The following OR10Z1 variants were observed in gnomAD, a reference collection of about 807,000 sequenced individuals.
OR10Z1 encodes olfactory receptor family 10 subfamily Z member 1.
For missense variants in OR10Z1, 468 were observed against 371.0 expected, an observed-to-expected ratio of 1.26 and a Z score of -2.15; for synonymous variants, 187 against 151.2, an observed-to-expected ratio of 1.24 and a Z score of -1.74.
In OR10Z1 at chr1:158,606,497, C is replaced by T; in HGVS notation, c.59C>T (p.Ser20Phe). The T allele has an allele frequency of 6.2e-7, 1 of 1,613,994 alleles. No homozygotes were observed. Among genetic ancestry groups the T allele is most frequent in the Non-Finnish European group, 8.5e-7 (1 of 1,179,908 alleles). ...RDFVFLGFSSSGELQLLLFAL... is the reference protein window; with the variant it reads ...RDFVFLGFSSFGELQLLLFAL... Reference sequence around the variant, plus strand: ...TTTGTCTTCCTGGGCTTCTCCAGTTCTGGGGAGTTGCAGCTCCTTCTCTTT... The same window carrying T: ...TTTGTCTTCCTGGGCTTCTCCAGTTTTGGGGAGTTGCAGCTCCTTCTCTTT... The change falls in exon 2 of 2, where the codon TCT becomes TTT. Residue 20 changes from serine (S) to phenylalanine (F), a missense_variant. Physicochemically the swap from Ser to Phe is radical, Grantham distance 155. Transcript: ENST00000641002.
Position 158,611,422 on chromosome 1 carries a change from T to C in OR10Z1, c.*4042T>C, listed in dbSNP as rs1571363677. The stretch of plus-strand genomic sequence containing the variant: ...GTATAAAAAGAGAAAAATACAGTTA[T>C]AGGGATTCAAAATAGCTGGTTCCTT... On this transcript the variant is annotated 3_prime_UTR_variant, in exon 2 of 2. Coordinates refer to ENST00000641002, the MANE Select transcript of OR10Z1 (RefSeq NM_001004478.2). 2.5e-6 allele frequency: 4 copies of C among 1,612,128 alleles called. No homozygotes were observed. The highest frequency in any genetic ancestry group is 2.7e-5 in the African/African-American group (2 of 74,830).
chr1:158,611,102 C>T lies in OR10Z1; in HGVS notation c.*3722C>T. On this transcript the variant is annotated 3_prime_UTR_variant, in exon 2 of 2. Coordinates refer to ENST00000641002, the MANE Select transcript of OR10Z1 (RefSeq NM_001004478.2). ...ACCCTTGAGATTTTTTAAGATCCTA[C>T]AATAAATGTAATATGCACACAAACA... The T allele has an allele frequency of 4.2e-6, 4 of 944,800 alleles. No homozygotes were observed. The Admixed American group carries it at 6.6e-5, about 16-fold the overall frequency. The allele number at this position is 944,800 out of a possible 1,614,324, so 58.5% of individuals were successfully genotyped here. A position where few individuals can be genotyped will look rare whatever the true frequency, so the allele number is the denominator to read the frequency against.
rs1649133861 is a variant in OR10Z1 at position 158,608,998 on chromosome 1, A to G, written c.*1618A>G. On this transcript the variant is annotated 3_prime_UTR_variant, in exon 2 of 2. Coordinates refer to ENST00000641002, the MANE Select transcript of OR10Z1 (RefSeq NM_001004478.2). ...TGATAGATTTCAGTAGAGAGAAACC[A>G]GAGGCAAGGAGATCAGCAAGAAACC... The G allele has an allele frequency of 6.6e-6, 1 of 152,266 alleles. No homozygotes were observed. Among genetic ancestry groups the G allele is most frequent in the Admixed American group, 6.5e-5 (1 of 15,272 alleles). 9.4% of individuals were successfully genotyped at this position (152,266 alleles called of 1,614,324 possible).
rs1355357895 is a variant in OR10Z1, at chr1:158,608,338, G to A, written c.*958G>A. 6.6e-6 allele frequency: 1 copy of A among 152,144 alleles called. No homozygotes were observed. Among genetic ancestry groups the A allele is most frequent in the Non-Finnish European group, 1.5e-5 (1 of 68,032 alleles). 9.4% of individuals were successfully genotyped at this position (152,144 alleles called of 1,614,324 possible). ...AGCGGCGGACATTATTAGAGAAAGT[G>A]TAATGAACTCACAAGACCGTCAGGC... On this transcript the variant is annotated 3_prime_UTR_variant, in exon 2 of 2. Coordinates refer to ENST00000641002, the MANE Select transcript of OR10Z1 (RefSeq NM_001004478.2).
rs1273592408 is a variant in OR10Z1 at position 158,609,821 on chromosome 1, G to A, written c.*2441G>A. 6.6e-6 allele frequency: 1 copy of A among 152,020 alleles called. No individual in the cohort carries two copies. The highest frequency in any genetic ancestry group is 6.6e-5 in the Admixed American group (1 of 15,254). The allele number at this position is 152,020 out of a possible 1,614,324, so 9.4% of individuals were successfully genotyped here. On this transcript the variant is annotated 3_prime_UTR_variant, in exon 2 of 2. Coordinates refer to ENST00000641002, the MANE Select transcript of OR10Z1 (RefSeq NM_001004478.2). Reference sequence around the variant, plus strand: ...CTAAATGACTAATAATTTGATTTAGGCCTTGAAAATTTTTGGCAGGGTTAG... The same window carrying A: ...CTAAATGACTAATAATTTGATTTAGACCTTGAAAATTTTTGGCAGGGTTAG...
Position 158,607,634 on chromosome 1 carries a change from C to T in OR10Z1, c.*254C>T, listed in dbSNP as rs1169668745. On this transcript the variant is annotated 3_prime_UTR_variant, in exon 2 of 2. Transcript: ENST00000641002. ...TAACTTTCAGCCTCCTAGATGCCAC[C>T]CCTAGTTACTGAAACCCATTGAGAA... 2 of 386,896 alleles carry T rather than the reference C, an allele frequency of 5.2e-6. No homozygotes were observed. Among genetic ancestry groups the T allele is most frequent in the Non-Finnish European group, 4.6e-6 (1 of 217,098 alleles). The allele number at this position is 386,896 out of a possible 1,614,324, so 24.0% of individuals were successfully genotyped here.
At position 158,607,510 on chromosome 1, in the gene OR10Z1, C is replaced by T; in HGVS notation, c.*130C>T. 7 of 674,256 alleles carry T rather than the reference C, an allele frequency of 1.0e-5. No homozygotes were observed. The highest frequency in any genetic ancestry group is 1.7e-5 in the Non-Finnish European group (7 of 400,316). The allele number at this position is 674,256 out of a possible 1,614,324, so 41.8% of individuals were successfully genotyped here. Reference sequence around the variant, plus strand: ...CCCAATCTTCTGGGAAAGCCTTATCCTGCCTCTTGCCCTTCCCCCTGACTG... The same window carrying T: ...CCCAATCTTCTGGGAAAGCCTTATCTTGCCTCTTGCCCTTCCCCCTGACTG... On this transcript the variant is annotated 3_prime_UTR_variant, in exon 2 of 2. Coordinates refer to ENST00000641002, the MANE Select transcript of OR10Z1 (RefSeq NM_001004478.2).
chr1:158,609,929 T>C lies in OR10Z1; in HGVS notation c.*2549T>C, dbSNP rs1261846517. On this transcript the variant is annotated 3_prime_UTR_variant, in exon 2 of 2. Coordinates refer to ENST00000641002, the MANE Select transcript of OR10Z1 (RefSeq NM_001004478.2). ...TTTTAGACTATCCATATGTGGTAAG[T>C]GTGATATTAAACAATGCTAATTTTC... 1 of 152,216 alleles carries C rather than the reference T, an allele frequency of 6.6e-6. No homozygotes were observed. Among genetic ancestry groups the C allele is most frequent in the Non-Finnish European group, 1.5e-5 (1 of 68,040 alleles). 9.4% of individuals were successfully genotyped at this position (152,216 alleles called of 1,614,324 possible).
Position 158,606,858 on chromosome 1 carries a change from C to T in OR10Z1, c.420C>T (p.Leu140=), listed in dbSNP as rs1168557630. ...ATGCCAGCCACATGAATCCTACCCT[C>T]TGTGCCCAGCTGGTCATTACTTCCT... ...LHYASHMNPT[L]CAQLVITSFL... is the part of the protein sequence containing the mutation. The change falls in exon 2 of 2, where the codon CTC becomes CTT. Residue 140 remains leucine (L), a synonymous_variant. Coordinates refer to ENST00000641002, the MANE Select transcript of OR10Z1 (RefSeq NM_001004478.2). 2.5e-6 allele frequency: 4 copies of T among 1,613,970 alleles called. No homozygotes were observed. Among genetic ancestry groups the T allele is most frequent in the African/African-American group, 1.3e-5 (1 of 74,914 alleles).
Position 158,607,292 on chromosome 1 carries a change from T to G in OR10Z1, c.854T>G (p.Leu285Arg). The G allele has an allele frequency of 6.2e-7, 1 of 1,614,030 alleles. No homozygotes were observed. The highest frequency in any genetic ancestry group is 1.1e-5 in the South Asian group (1 of 91,086). ...AMTYTVVTPL[L>R]NPIVYSLRNR... ...ACCTATACTGTAGTGACCCCCCTCC[T>G]TAATCCCATTGTTTATAGTCTAAGG... Residue 285 changes from leucine to arginine, a missense_variant, in exon 2 of 2, where the codon CTT (leucine) becomes CGT (arginine). Transcript: ENST00000641002.
chr1:158,605,884 G>A (rs1394976648), intron 1 of OR10Z1, among the ~76,000 whole-genome samples: 1 of 152,044 alleles, frequency 6.6e-6, no homozygotes, highest in African/African-American at 2.4e-5. Flanking sequence ...AAGCAATATG[G>A]GTGTGTCCAT....
rs1205573190 is a variant in OR10Z1, at chr1:158,609,674, T to A, written c.*2294T>A. The A allele has an allele frequency of 1.3e-5, 2 of 152,154 alleles. No individual in the cohort carries two copies. The highest frequency in any genetic ancestry group is 2.9e-5 in the Non-Finnish European group (2 of 68,018). 9.4% of individuals were successfully genotyped at this position (152,154 alleles called of 1,614,324 possible). The stretch of plus-strand genomic sequence containing the variant: ...CTACCTTGAAACAATTGATTTGGGA[T>A]AGGGACAACATAATAGTCTTCAAAA... On this transcript the variant is annotated 3_prime_UTR_variant, in exon 2 of 2. Transcript: ENST00000641002.
In OR10Z1 at chr1:158,610,311, A is replaced by G. The variant is rs1181583118; in HGVS notation, c.*2931A>G. On this transcript the variant is annotated 3_prime_UTR_variant, in exon 2 of 2. Transcript: ENST00000641002. Reference sequence around the variant, plus strand: ...CTAGCAGTTTTATACACAGCAATTAAGATATCTAAGAATTCTCACCAGCAA... The same window carrying G: ...CTAGCAGTTTTATACACAGCAATTAGGATATCTAAGAATTCTCACCAGCAA... 6.6e-6 allele frequency: 1 copy of G among 152,174 alleles called. No homozygotes were observed. The highest frequency in any genetic ancestry group is 1.5e-5 in the Non-Finnish European group (1 of 68,014). The allele number at this position is 152,174 out of a possible 1,614,324, so 9.4% of individuals were successfully genotyped here. A position where few individuals can be genotyped will look rare whatever the true frequency, so the allele number is the denominator to read the frequency against.
Position 158,606,831 on chromosome 1 carries a change from C to T in OR10Z1, c.393C>T (p.His131=), listed in dbSNP as rs145871831. ...DRYVAICAPL[H]YASHMNPTLC... ...ATGTGGCCATCTGTGCTCCACTCCACTATGCCAGCCACATGAATCCTACCC... is the reference window on the plus strand; with the variant it reads ...ATGTGGCCATCTGTGCTCCACTCCATTATGCCAGCCACATGAATCCTACCC... Residue 131 remains histidine, a synonymous_variant, in exon 2 of 2, where the codon CAC becomes CAT. Transcript: ENST00000641002. The T allele has an allele frequency of 6.2e-7, 1 of 1,614,048 alleles. No homozygotes were observed. The highest frequency in any genetic ancestry group is 2.2e-5 in the East Asian group (1 of 44,872).
chr1:158,605,879 A>T (rs1439844739), intron 1 of OR10Z1, among the ~76,000 whole-genome samples: 2 of 152,210 alleles, frequency 1.3e-5, no homozygotes, highest in Admixed American at 6.5e-5. Context: ...CTAACAAGCA[A>T]TATGGGTGTG....
Position 158,612,305 on chromosome 1 carries a change from C to T in OR10Z1, c.*4925C>T. 5.5e-6 allele frequency: 1 copy of T among 183,140 alleles called. No homozygotes were observed. Among genetic ancestry groups the T allele is most frequent in the Non-Finnish European group, 1.1e-5 (1 of 87,112 alleles). 11.3% of individuals were successfully genotyped at this position (183,140 alleles called of 1,614,324 possible). A position where few individuals can be genotyped will look rare whatever the true frequency, so the allele number is the denominator to read the frequency against. ...ATCATAGATGATACTTTCCCTGATG[C>T]AAGTATTTTAAGGAGAGGAATGAAG... On this transcript the variant is annotated 3_prime_UTR_variant, in exon 2 of 2. Transcript: ENST00000641002.
rs857687 is a variant in OR10Z1, at chr1:158,608,208, T to C, written c.*828T>C. 91,002 of 151,944 alleles carry C rather than the reference T, an allele frequency of 0.6. 27,501 individuals carry two copies. Among genetic ancestry groups the C allele is most frequent in the Middle Eastern group, 0.68 (199 of 294 alleles). 9.4% of individuals were successfully genotyped at this position (151,944 alleles called of 1,614,324 possible). A position where few individuals can be genotyped will look rare whatever the true frequency, so the allele number is the denominator to read the frequency against. On this transcript the variant is annotated 3_prime_UTR_variant, in exon 2 of 2. Coordinates refer to ENST00000641002, the MANE Select transcript of OR10Z1 (RefSeq NM_001004478.2). The stretch of plus-strand genomic sequence containing the variant: ...TTCAGAATCTTGAGTGTCAAAGACC[T>C]TTCTCATTTGGGTCGCTTATCAAAT...
At position 158,609,055 on chromosome 1, in the gene OR10Z1, G is replaced by C. The variant is rs1405548221; in HGVS notation, c.*1675G>C. 2 of 152,118 alleles carry C rather than the reference G, an allele frequency of 1.3e-5. No individual in the cohort carries two copies. Among genetic ancestry groups the C allele is most frequent in the African/African-American group, 4.8e-5 (2 of 41,408 alleles). 9.4% of individuals were successfully genotyped at this position (152,118 alleles called of 1,614,324 possible). On this transcript the variant is annotated 3_prime_UTR_variant, in exon 2 of 2. Transcript: ENST00000641002. ...TATCAGCTTAAAAAAAGGCAAAGAG[G>C]CTTGAATATGGATAGTGACATTCAG...
At chr1:158,605,758 T>C (rs1288166680) in intron 1 of OR10Z1, among the ~76,000 whole-genome samples, 4 of 152,208 alleles carry the variant, frequency 2.6e-5, no homozygotes, top group Non-Finnish European at 5.9e-5. Context: ...TGTTTTCTAA[T>C]ACTGGTTCTG....
Sources: allele counts gnomAD v4.1 joint callset (sites outside exome capture counted in the v4.1 genomes callset), GRCh38; gene constraint gnomAD v4.1.1; transcripts MANE v1.5; gene names NCBI Gene and HGNC (gene_info 2026-07-23, HGNC 2026-07-21).